The following HLCS variants were observed in gnomAD, a reference collection of about 807,000 sequenced individuals.
HLCS encodes the protein holocarboxylase synthetase, also known as biotin--protein ligase.
HLCS carries 53 observed loss-of-function variants against 75.0 expected under a neutral mutation model. That is an observed-to-expected ratio of 0.71 (90% CI 0.57 to 0.89). The LOEUF is 0.89. Among genes scored for constraint, HLCS ranks in the 40% least tolerant of loss-of-function variants. The probability of loss-of-function intolerance (pLI) is 0.00; values close to 1 mark genes in which losing one functional copy is unlikely to be tolerated. For synonymous variants in HLCS, 431 were observed against 428.6 expected, an observed-to-expected ratio of 1.01 and a Z score of -0.07; for missense variants, 966 against 1,074.0, an observed-to-expected ratio of 0.90 and a Z score of 1.41.
At chr21:36,888,455 T>A (rs1389855737) in intron 6 of HLCS, among the ~76,000 whole-genome samples, 969 of 11,670 alleles carry the variant, frequency 0.083, 33 homozygotes, top group South Asian at 0.12. Context: ...AATATATATA[T>A]ATATATATAT....
chr21:36,830,251 C>T (rs936792130), intron 6 of HLCS, among the ~76,000 whole-genome samples: 38 of 152,182 alleles, frequency 2.5e-4, no homozygotes, highest in African/African-American at 8.4e-4. Flanking sequence ...GCCTTCAGAG[C>T]TGGGAGAAAT....
In HLCS at chr21:36,936,978, T is replaced by C. The variant is rs912685138; in HGVS notation, c.908A>G (p.Asn303Ser). ...GATGTTGGGTGCCTTTCCCGTGAGG[T>C]TGACTCTCCTCCCTTCTCTTTCGGG... ...TSPEREGRRV[N>S]LTGKAPNILL... The change falls in exon 4 of 11, where the codon AAC becomes AGC. Residue 303 changes from asparagine to serine, a missense_variant. Physicochemically the swap from Asn to Ser is conservative, Grantham distance 46. Transcript: ENST00000674895. The C allele has an allele frequency of 3.7e-6, 6 of 1,613,912 alleles. No individual in the cohort carries two copies. Among genetic ancestry groups the C allele is most frequent in the Admixed American group, 1.7e-5 (1 of 59,988 alleles).
chr21:36,889,852 A>C (rs1226692839), intron 6 of HLCS, among the ~76,000 whole-genome samples: 1 of 152,220 alleles, frequency 6.6e-6, no homozygotes, highest in East Asian at 1.9e-4. Flanking sequence ...GGCGTGAAAC[A>C]AAACTGGCAA....
chr21:36,797,904 T>C (rs1005820709), intron 6 of HLCS, among the ~76,000 whole-genome samples: 5 of 152,150 alleles, frequency 3.3e-5, no homozygotes, highest in Non-Finnish European at 7.3e-5. Flanking sequence ...GTAGACCAAG[T>C]AGGCTTACGT....
At chr21:36,961,351 G>A (rs1040527915) in intron 2 of HLCS, among the ~76,000 whole-genome samples, 12 of 152,112 alleles carry the variant, frequency 7.9e-5, no homozygotes, top group African/African-American at 1.7e-4. Context: ...AGCCACACAC[G>A]TGGTTTTAAC....
rs780666266 is a variant in HLCS at position 36,937,316 on chromosome 21, C to A, written c.570G>T (p.Pro190=). The change falls in exon 4 of 11, where the codon CCG becomes CCT. Residue 190 remains proline (P), a synonymous_variant. Coordinates refer to ENST00000674895, the MANE Select transcript of HLCS (RefSeq NM_001352514.2). ...TAATCTCAAGAGAAGGTTCAGGCTT[C>A]GGCTCTAGGATCTGGGCTTGCTTGT... ...VSNKQAQILE[P]KPEPSLEIKP... is the part of the protein sequence containing the mutation. 4.3e-6 allele frequency: 7 copies of A among 1,614,104 alleles called. No homozygotes were observed. In the East Asian group the frequency reaches 1.6e-4, roughly 36 times the overall value.
intron 5 of HLCS, among the ~76,000 whole-genome samples, chr21:36,926,766 A>C (rs954044542): frequency 7.4e-6 from 1 of 135,892 alleles, no homozygotes; most frequent in Non-Finnish European, 1.6e-5. Flanking sequence ...TTTTTGAGAC[A>C]GGGTCTCACT....
intron 2 of HLCS, among the ~76,000 whole-genome samples, chr21:36,952,597 T>C (rs1005056570): frequency 6.6e-6 from 1 of 151,962 alleles, no homozygotes; most frequent in Non-Finnish European, 1.5e-5. Context: ...ATGGAGACCA[T>C]CCTGGCCAAC....
chr21:36,952,272 C>T (rs1376749971), intron 2 of HLCS, among the ~76,000 whole-genome samples: 1 of 152,128 alleles, frequency 6.6e-6, no homozygotes, highest in Admixed American at 6.5e-5. Flanking sequence ...GTCAACTTGG[C>T]TAGAAGACAG....
rs116903396 is a variant in HLCS, at chr21:36,881,877, G to A, written c.1892+14983C>T. ...GGGCTTTACAGGCATGGTGGCACGT[G>A]CCTTAATCCCAGCTACTAGGGAGGC... On this transcript the variant is annotated intron_variant, in intron 6 of 10. Transcript: ENST00000674895. Among the ~76,000 whole-genome samples the A allele has an allele frequency of 1.5e-3, 236 of 152,278 alleles. 8 individuals are homozygous for A. In the East Asian group the frequency reaches 0.042, roughly 27 times the overall value.
intron 6 of HLCS, among the ~76,000 whole-genome samples, chr21:36,886,693 C>G (rs986190518): frequency 2.6e-5 from 4 of 152,148 alleles, no homozygotes; most frequent in Admixed American, 1.3e-4. Context: ...TGTTGAAATC[C>G]CAGCCCCCAA....
At chr21:36,954,485 G>A (rs140686167) in intron 2 of HLCS, among the ~76,000 whole-genome samples, 4,304 of 149,496 alleles carry the variant, frequency 0.029, 203 homozygotes, top group African/African-American at 0.095. Flanking sequence ...GCGTGGTGGC[G>A]GGCGCCTGTA....
intron 6 of HLCS, among the ~76,000 whole-genome samples, chr21:36,863,280 G>A (rs2063444338): frequency 6.6e-6 from 1 of 152,094 alleles, no homozygotes; most frequent in African/African-American, 2.4e-5. Flanking sequence ...TCTAAACAGG[G>A]AGATTCCACC....
At chr21:36,850,108 T>C (rs2062938099) in intron 6 of HLCS, among the ~76,000 whole-genome samples, 1 of 152,206 alleles carries the variant, frequency 6.6e-6, no homozygotes, top group African/African-American at 2.4e-5. Context: ...TGAGTAACTT[T>C]TGGATATTAC....
chr21:36,912,086 A>T (rs1293043091), intron 5 of HLCS, among the ~76,000 whole-genome samples: 1 of 152,018 alleles, frequency 6.6e-6, no homozygotes, highest in Non-Finnish European at 1.5e-5. Context: ...AAAAAAAAAA[A>T]AAATTAAACA....
chr21:36,900,140 C>A lies in HLCS; in HGVS notation c.1621-3009G>T, dbSNP rs141723344. On this transcript the variant is annotated intron_variant, in intron 5 of 10. Coordinates refer to ENST00000674895, the MANE Select transcript of HLCS (RefSeq NM_001352514.2). ...AAAAAACAAAAAACAACAAAAAAAA[C>A]AAAGTTAAAAAACAGTAAACACAAT... is the stretch of plus-strand genomic sequence containing the variant. 1.1e-4 allele frequency among the ~76,000 whole-genome samples: 16 copies of A among 151,570 alleles called. 1 individual carries two copies. The East Asian group carries it at 3.1e-3, about 29-fold the overall frequency.
chr21:36,824,387 C>T (rs2061943707), intron 6 of HLCS, among the ~76,000 whole-genome samples: 1 of 152,024 alleles, frequency 6.6e-6, no homozygotes, highest in African/African-American at 2.4e-5. Flanking sequence ...AGGAGCTCAA[C>T]AATGAGAACA....
At chr21:36,931,738 G>A (rs919781599) in intron 4 of HLCS, among the ~76,000 whole-genome samples, 5 of 145,462 alleles carry the variant, frequency 3.4e-5, no homozygotes, top group Non-Finnish European at 6.0e-5. Flanking sequence ...AACAAAGTGC[G>A]ACCATTTAAA....
In HLCS at chr21:36,888,494, ATATT is replaced by A. The variant is rs1164790773; in HGVS notation, c.1892+8362_1892+8365del. 1.3e-3 allele frequency among the ~76,000 whole-genome samples: 120 copies of A among 93,002 alleles called. 1 individual carries two copies. The highest frequency in any genetic ancestry group is 3.1e-3 in the African/African-American group (64 of 20,520). The allele number at this position is 93,002 out of a possible 152,430, so 61.0% of individuals were successfully genotyped here. A position where few individuals can be genotyped will look rare whatever the true frequency, so the allele number is the denominator to read the frequency against. On this transcript the variant is annotated intron_variant, in intron 6 of 10. Coordinates refer to ENST00000674895, the MANE Select transcript of HLCS (RefSeq NM_001352514.2). ...TATATATATATATATATATATATAT[ATATT>A]TATTTATTTATTTTATGGGATTGTG...
Sources: gnomAD v4.1 joint callset for allele counts (sites outside exome capture counted in the v4.1 genomes callset) on GRCh38, gnomAD v4.1.1 for gene constraint, MANE v1.5 for transcripts, NCBI Gene and HGNC (gene_info 2026-07-23, HGNC 2026-07-21) for gene names.